The following TTC23L variants were observed in gnomAD, a reference collection of about 807,000 sequenced individuals.
TTC23L encodes the protein tetratricopeptide repeat protein 23-like.
TTC23L carries 42 observed loss-of-function variants against 48.1 expected under a neutral mutation model. The observed-to-expected ratio is 0.87, with a 90% confidence interval of 0.68 to 1.13. TTC23L has a LOEUF of 1.13. Ranked by LOEUF, TTC23L falls within the 50% of genes most tolerant of loss-of-function variation. The probability of loss-of-function intolerance (pLI) is 0.00; values close to 1 mark genes in which losing one functional copy is unlikely to be tolerated. For synonymous variants in TTC23L, 159 were observed against 157.2 expected (o/e 1.01, Z -0.09); for missense variants, 391 against 421.0 (o/e 0.93, Z 0.62).
At chr5:34,839,765 G>A (rs1758443876) in intron 1 of TTC23L, 1 of 502,676 alleles carries the variant, frequency 2.0e-6, no homozygotes, top group East Asian at 1.5e-4. Context: ...ATTTGGGTTT[G>A]ATTTAAGCGA....
the TTC23L span, chr5:34,907,556 T>TA: frequency 1.3e-5 from 2 of 152,228 alleles, no homozygotes; most frequent in Non-Finnish European, 2.9e-5. Flanking sequence ...CCACAAAAAT[T>TA]ATTTTAGTGA....
At chr5:34,877,654 C>A (rs1430127985) in intron 8 of TTC23L, among the ~76,000 whole-genome samples, 1 of 152,070 alleles carries the variant, frequency 6.6e-6, no homozygotes, top group East Asian at 1.9e-4. Flanking sequence ...GAACTCCTGA[C>A]TTCAGGTGAT....
At chr5:34,921,460 G>C in the TTC23L span, 2 of 152,154 alleles carry the variant, frequency 1.3e-5, no homozygotes. Flanking sequence ...TCATTAAAAA[G>C]GATGTTTTTA....
intron 9 of TTC23L, among the ~76,000 whole-genome samples, chr5:34,890,912 T>C (rs969008101): frequency 6.6e-6 from 1 of 152,156 alleles, no homozygotes; most frequent in Admixed American, 6.5e-5. Context: ...TTGCCTGGAT[T>C]TAAAACTCAG....
chr5:34,919,346 G>A, the TTC23L span, among the ~76,000 whole-genome samples: 11 of 149,768 alleles, frequency 7.3e-5, no homozygotes, highest in Non-Finnish European at 1.5e-4. Flanking sequence ...CTGTTGTTGT[G>A]CTTATGTTGA....
At chr5:34,853,856 G>A (rs557582950) in intron 4 of TTC23L, among the ~76,000 whole-genome samples, 3 of 152,152 alleles carry the variant, frequency 2.0e-5, no homozygotes, top group Non-Finnish European at 4.4e-5. Context: ...GACTAGCTAA[G>A]GGTTTTTCAC....
intron 9 of TTC23L, among the ~76,000 whole-genome samples, chr5:34,888,953 G>C (rs1561156444): frequency 6.6e-6 from 1 of 152,250 alleles, no homozygotes; most frequent in Admixed American, 6.5e-5. Context: ...TTAGGATACA[G>C]TTGTCTCCAA....
intron 9 of TTC23L, among the ~76,000 whole-genome samples, chr5:34,885,358 G>A (rs746395126): frequency 1.3e-5 from 2 of 152,188 alleles, no homozygotes; most frequent in African/African-American, 2.4e-5. Context: ...ATCAGGAAAC[G>A]CTGTTGTATT....
rs750758756 is a variant in TTC23L, at chr5:34,845,511, T to G, written c.93T>G (p.Ala31=). The change falls in exon 3 of 11, where the codon GCT becomes GCG. Residue 31 remains alanine, a synonymous_variant. Coordinates refer to ENST00000505624, the Ensembl canonical transcript of TTC23L. The stretch of plus-strand genomic sequence containing the variant: ...GGTCACAGCAAACCGAGATCCCAGC[T>G]CACCAGCAAACAGATGAGTTGTATC... 13 of 1,613,408 alleles carry G rather than the reference T, an allele frequency of 8.1e-6. No individual in the cohort carries two copies. In the East Asian group the frequency reaches 2.9e-4, roughly 36 times the overall value.
At chr5:34,861,244 G>A (rs934927787) in intron 4 of TTC23L, 2 of 153,154 alleles carry the variant, frequency 1.3e-5, no homozygotes, top group African/African-American at 4.8e-5. Context: ...GGGATTACAG[G>A]CGTGAGCCAC....
intron 10 of TTC23L, among the ~76,000 whole-genome samples, chr5:34,898,566 C>A (rs1031851765): frequency 1.3e-5 from 2 of 152,114 alleles, no homozygotes; most frequent in African/African-American, 2.4e-5. Context: ...ATTTATGAGA[C>A]CCCTGGGCAA....
chr5:34,858,906 C>A (rs72732821), intron 4 of TTC23L, among the ~76,000 whole-genome samples: 52,107 of 152,070 alleles, frequency 0.34, 10,361 homozygotes, highest in South Asian at 0.45. Flanking sequence ...AGAAGGCCCA[C>A]AATGTGGGGC....
At chr5:34,849,700 T>C (rs1244039538) in intron 3 of TTC23L, among the ~76,000 whole-genome samples, 1 of 152,190 alleles carries the variant, frequency 6.6e-6, no homozygotes. Flanking sequence ...GAGGCAACAA[T>C]GGAATGTCTG....
At chr5:34,888,590 G>A (rs1389538841) in intron 9 of TTC23L, 1 of 894,578 alleles carries the variant, frequency 1.1e-6, no homozygotes, top group Non-Finnish European at 1.3e-6. Flanking sequence ...TATATGCATG[G>A]CATGGCCTCT....
chr5:34,855,921 C>T (rs373645910), intron 4 of TTC23L, among the ~76,000 whole-genome samples: 1 of 152,154 alleles, frequency 6.6e-6, no homozygotes, highest in Non-Finnish European at 1.5e-5. Context: ...GGAAGTGAGA[C>T]CTCTCAGTGT....
chr5:34,839,750 G>C (rs1014425807), intron 1 of TTC23L: 1 of 710,712 alleles, frequency 1.4e-6, no homozygotes, highest in African/African-American at 1.9e-5. Flanking sequence ...AAGTAACTGC[G>C]TTCGATTTGG....
At chr5:34,900,869 T>C (rs1763491840), downstream of TTC23L, among the ~76,000 whole-genome samples, 3 of 152,254 alleles carry the variant, frequency 2.0e-5, no homozygotes, top group South Asian at 2.1e-4. Flanking sequence ...TAGCATCACA[T>C]AGCGTTTTGA....
At chr5:34,840,147 T>G (rs1442475931) in intron 1 of TTC23L, among the ~76,000 whole-genome samples, 1 of 146,742 alleles carries the variant, frequency 6.8e-6, no homozygotes, top group Non-Finnish European at 1.5e-5. Context: ...CCGCCTCGGC[T>G]TCCCACAGTG....
chr5:34,907,596 A>G, the TTC23L span: 1 of 152,242 alleles, frequency 6.6e-6, no homozygotes, highest in Non-Finnish European at 1.5e-5. Flanking sequence ...AAATCACTTA[A>G]TAACTGGTTT....
Sources: gnomAD v4.1 joint callset for allele counts (sites outside exome capture counted in the v4.1 genomes callset) on GRCh38, gnomAD v4.1.1 for gene constraint, MANE v1.5 for transcripts, NCBI Gene and HGNC (gene_info 2026-07-23, HGNC 2026-07-21) for gene names.